DPYD: variants seen among roughly 807,000 people sequenced by gnomAD.
DPYD encodes the protein dihydropyrimidine dehydrogenase, also known as dihydropyrimidine dehydrogenase [NADP(+)].
Under a neutral mutation model 116.2 loss-of-function variants are expected in DPYD, and 109 were observed. The ratio of observed to expected loss-of-function variants is 0.94; its 90% CI spans 0.80 to 1.10. The LOEUF (loss-of-function observed/expected upper bound fraction) is 1.10. DPYD is among the 50% of genes least tolerant of loss of function. The probability of loss-of-function intolerance (pLI) is 0.00; values close to 1 mark genes in which losing one functional copy is unlikely to be tolerated. For missense variants in DPYD, 1,302 were observed against 1,254.5 expected, an observed-to-expected ratio of 1.04 and a Z score of -0.57; for synonymous variants, 440 against 432.0, an observed-to-expected ratio of 1.02 and a Z score of -0.23.
chr1:97,787,003 A>G (rs934958299), intron 3 of DPYD, among the ~76,000 whole-genome samples: 6 of 152,012 alleles, frequency 3.9e-5, no homozygotes, highest in South Asian at 4.1e-4. Context: ...GGCTTTGAGG[A>G]AAAAAAACCA....
chr1:97,234,789 A>G, intron 19 of DPYD, 63 bp downstream of exon 19: 2 of 1,601,624 alleles, frequency 1.2e-6, no homozygotes, highest in East Asian at 4.5e-5. Flanking sequence ...TTTTTGTCAC[A>G]TAACTTACAT....
intron 4 of DPYD, 108 bp from the exon 5 acceptor site, chr1:97,721,779 G>T: frequency 9.1e-7 from 1 of 1,097,952 alleles, no homozygotes; most frequent in Non-Finnish European, 1.3e-6. Flanking sequence ...TGAAGATAAT[G>T]ATGTGTATAA....
At chr1:97,658,086 G>T (rs564389125) in intron 8 of DPYD, among the ~76,000 whole-genome samples, 47 of 152,178 alleles carry the variant, frequency 3.1e-4, no homozygotes, top group Admixed American at 9.2e-4. Context: ...CCTACAGTTT[G>T]CAGCAAATAA....
At chr1:97,756,800 C>T (rs1259079019) in intron 3 of DPYD, among the ~76,000 whole-genome samples, 1 of 152,256 alleles carries the variant, frequency 6.6e-6, no homozygotes, top group African/African-American at 2.4e-5. Flanking sequence ...AATGCTAATA[C>T]AAAAGCAGTA....
chr1:97,901,092 A>G (rs1229165384), intron 1 of DPYD, among the ~76,000 whole-genome samples: 2 of 151,798 alleles, frequency 1.3e-5, no homozygotes, highest in Non-Finnish European at 2.9e-5. Context: ...GTTGAATGAG[A>G]GCTTACAGTA....
chr1:97,358,328 G>T (rs567499684), intron 16 of DPYD, among the ~76,000 whole-genome samples: 1 of 152,318 alleles, frequency 6.6e-6, no homozygotes, highest in South Asian at 2.1e-4. Context: ...GCCCACCGCA[G>T]CTCAGCAAGG....
intron 3 of DPYD, among the ~76,000 whole-genome samples, chr1:97,761,992 C>T (rs986237265): frequency 2.0e-5 from 3 of 152,050 alleles, no homozygotes; most frequent in East Asian, 3.9e-4. Flanking sequence ...CACAAGGACA[C>T]TAGGGCCCAC....
intron 13 of DPYD, among the ~76,000 whole-genome samples, chr1:97,512,535 T>C (rs1263057756): frequency 1.3e-5 from 2 of 151,894 alleles, no homozygotes; most frequent in African/African-American, 4.8e-5. Context: ...AGATTTGCAG[T>C]ATATAATATG....
At chr1:97,698,348 G>A (rs1214881374) in intron 6 of DPYD, among the ~76,000 whole-genome samples, 1 of 151,612 alleles carries the variant, frequency 6.6e-6, no homozygotes, top group African/African-American at 2.4e-5. Flanking sequence ...ACAAATAATT[G>A]ATAATTGATA....
intron 13 of DPYD, among the ~76,000 whole-genome samples, chr1:97,456,343 C>T (rs558688133): frequency 1.3e-5 from 2 of 152,138 alleles, no homozygotes; most frequent in East Asian, 1.9e-4. Context: ...ATAACACACA[C>T]AAATATGCAA....
At chr1:97,288,919 A>G (rs1665931004) in intron 18 of DPYD, among the ~76,000 whole-genome samples, 1 of 152,252 alleles carries the variant, frequency 6.6e-6, no homozygotes, top group African/African-American at 2.4e-5. Flanking sequence ...GAAAGGATCA[A>G]CAAAATTGAT....
At chr1:97,597,775 G>T (rs1018589931) in intron 8 of DPYD, among the ~76,000 whole-genome samples, 1 of 152,128 alleles carries the variant, frequency 6.6e-6, no homozygotes, top group Non-Finnish European at 1.5e-5. Flanking sequence ...GCGCTAAGGA[G>T]TTGGACTTAC....
At chr1:97,392,587 T>C (rs28829687) in intron 14 of DPYD, among the ~76,000 whole-genome samples, 29,166 of 152,016 alleles carry the variant, frequency 0.19, 2,969 homozygotes, top group South Asian at 0.38. Flanking sequence ...TCAATCCTCT[T>C]AAATCTCTAA....
At chr1:97,702,696 G>A (rs913127502) in intron 5 of DPYD, among the ~76,000 whole-genome samples, 2 of 151,838 alleles carry the variant, frequency 1.3e-5, no homozygotes, top group East Asian at 1.9e-4. Context: ...CAAGAAATAG[G>A]TTAGTTCTGA....
At chr1:97,367,610 G>C (rs1388636971) in intron 16 of DPYD, among the ~76,000 whole-genome samples, 2 of 152,140 alleles carry the variant, frequency 1.3e-5, no homozygotes, top group Admixed American at 1.3e-4. Flanking sequence ...GATGATAGCG[G>C]TTGTACTGCC....
rs67473248 is a variant in DPYD, at chr1:97,130,777, CT to C, written c.2623-32146del. Among the ~76,000 whole-genome samples the C allele has an allele frequency of 3.8e-3, 123 of 32,448 alleles. 1 individual carries two copies. The highest frequency in any genetic ancestry group is 0.011 in the African/African-American group (55 of 4,972). The allele number at this position is 32,448 out of a possible 152,430, so 21.3% of individuals were successfully genotyped here. A position where few individuals can be genotyped will look rare whatever the true frequency, so the allele number is the denominator to read the frequency against. The stretch of plus-strand genomic sequence containing the variant: ...CCTTCCTTCCTTCCTTCCTTCCTTC[CT>C]TTCCTTCCCTCCTTCCCTCTCTCCC... On this transcript the variant is annotated intron_variant, in intron 20 of 22. Coordinates refer to ENST00000370192, the MANE Select transcript of DPYD (RefSeq NM_000110.4).
chr1:97,442,086 G>A lies in DPYD; in HGVS notation c.1905+7973C>T, dbSNP rs144687381. ...TTCCAGTCTCTTTGTTTACTCACAT[G>A]CATGAGCTGATCTGTACTCAGTGCT... On this transcript the variant is annotated intron_variant, in intron 14 of 22. Transcript: ENST00000370192. 4.6e-3 allele frequency among the ~76,000 whole-genome samples: 702 copies of A among 152,102 alleles called. 5 individuals carry two copies. Among genetic ancestry groups the A allele is most frequent in the African/African-American group, 0.016 (659 of 41,468 alleles).
rs550757247 is a variant in DPYD, at chr1:97,262,031, T to C, written c.2300-27037A>G. ...TGTTTGTTAAGGCTAATACCAAATA[T>C]TACATCCTTTGGGGAGCACTCCTAG... On this transcript the variant is annotated intron_variant, in intron 18 of 22. Coordinates refer to ENST00000370192, the MANE Select transcript of DPYD (RefSeq NM_000110.4). 3.9e-5 allele frequency among the ~76,000 whole-genome samples: 6 copies of C among 152,106 alleles called. No homozygotes were observed. In the South Asian group the frequency reaches 1.2e-3, roughly 32 times the overall value.
At chr1:97,486,199 A>G (rs1345532202) in intron 13 of DPYD, among the ~76,000 whole-genome samples, 1 of 152,168 alleles carries the variant, frequency 6.6e-6, no homozygotes, top group Admixed American at 6.5e-5. Context: ...GAAATTTATA[A>G]AGTTCATGGA....
Sources: gnomAD v4.1 joint callset for allele counts (sites outside exome capture counted in the v4.1 genomes callset) on GRCh38, gnomAD v4.1.1 for gene constraint, MANE v1.5 for transcripts, NCBI Gene and HGNC (gene_info 2026-07-23, HGNC 2026-07-21) for gene names.